Variants in SPPL3 observed in about 807,000 individuals in gnomAD.
SPPL3 encodes signal peptide peptidase like 3.
SPPL3 carries 5 observed loss-of-function variants against 42.4 expected under a neutral mutation model. That is an observed-to-expected ratio of 0.12 (90% confidence interval 0.06 to 0.25). SPPL3 has a LOEUF of 0.25. SPPL3 is among the 10% of genes least tolerant of loss of function. The pLI, the probability that SPPL3 is intolerant of heterozygous loss-of-function variation, is 1.00. For synonymous variants in SPPL3, 195 were observed against 181.8 expected, an observed-to-expected ratio of 1.07 and a Z score of -0.58; for missense variants, 235 against 489.0, an observed-to-expected ratio of 0.48 and a Z score of 4.90.
chr12:120,813,670 T>TAA (rs11420575), intron 1 of SPPL3, among the ~76,000 whole-genome samples: 3 of 148,728 alleles, frequency 2.0e-5, no homozygotes, highest in East Asian at 2.0e-4. Flanking sequence ...ATGGGTATGT[T>TAA]AAAAAAAAAA....
intron 3 of SPPL3, among the ~76,000 whole-genome samples, chr12:120,788,030 G>A (rs1869782536): frequency 6.6e-6 from 1 of 152,188 alleles, no homozygotes; most frequent in South Asian, 2.1e-4. Flanking sequence ...ATAACTAGGA[G>A]TGACACTGCT....
At chr12:120,796,706 C>T (rs1012806869) in intron 2 of SPPL3, among the ~76,000 whole-genome samples, 1 of 152,116 alleles carries the variant, frequency 6.6e-6, no homozygotes, top group African/African-American at 2.4e-5. Flanking sequence ...AGTGCTCAGT[C>T]TAGGGTAATT....
At chr12:120,843,968 T>C (rs1026601647) in intron 1 of SPPL3, among the ~76,000 whole-genome samples, 16 of 144,558 alleles carry the variant, frequency 1.1e-4, no homozygotes, top group South Asian at 6.7e-4. Flanking sequence ...AAAATAAATA[T>C]AACATAACAT....
chr12:120,814,192 T>A (rs1870788922), intron 1 of SPPL3, among the ~76,000 whole-genome samples: 2 of 152,230 alleles, frequency 1.3e-5, no homozygotes, highest in South Asian at 4.1e-4. Context: ...GTAAGACAAT[T>A]TGAATACAAT....
chr12:120,853,100 T>G (rs1030314882), intron 1 of SPPL3, among the ~76,000 whole-genome samples: 1 of 151,746 alleles, frequency 6.6e-6, no homozygotes, highest in Admixed American at 6.6e-5. Context: ...TTTGACTGTG[T>G]TGGCCAGGCT....
At chr12:120,896,530 T>C (rs1240363245) in intron 1 of SPPL3, among the ~76,000 whole-genome samples, 1 of 152,066 alleles carries the variant, frequency 6.6e-6, no homozygotes, top group Non-Finnish European at 1.5e-5. Flanking sequence ...AATCCCAACA[T>C]TTTAGGAGGC....
At chr12:120,826,064 C>T (rs1448791142) in intron 1 of SPPL3, among the ~76,000 whole-genome samples, 1 of 148,950 alleles carries the variant, frequency 6.7e-6, no homozygotes, top group Non-Finnish European at 1.5e-5. Context: ...GAGGCTGAGA[C>T]AGGAGGATTA....
chr12:120,792,949 A>C (rs1783299137), intron 2 of SPPL3, among the ~76,000 whole-genome samples: 1 of 152,128 alleles, frequency 6.6e-6, no homozygotes, highest in African/African-American at 2.4e-5. Context: ...AACTTAAAAA[A>C]CTTACGTGCC....
rs1463726067 is a variant in SPPL3, at chr12:120,782,744, C to T, written c.413G>A (p.Arg138His). 6.2e-7 allele frequency: 1 copy of T among 1,608,054 alleles called. No homozygotes were observed. Among genetic ancestry groups the T allele is most frequent in the Non-Finnish European group, 8.5e-7 (1 of 1,176,648 alleles). ...QNKISFGCCGRFTAAELLSFS... is the reference protein window; with the variant it reads ...QNKISFGCCGHFTAAELLSFS... ...TGACAGCAACTCAGCAGCAGTGAAA[C>T]GTCCACAGCAACCAAAGGAAATCCT... The change falls in exon 6 of 11, where the codon CGT becomes CAT. Residue 138 changes from arginine (R) to histidine (H), a missense_variant. Arg to His is a conservative substitution (Grantham distance 29). This residue lies in a region of SPPL3 where 110 missense variants were observed against 186.2 expected (regional missense o/e 0.59). Transcript: ENST00000353487.
chr12:120,819,736 T>C (rs1870993314), intron 1 of SPPL3, among the ~76,000 whole-genome samples: 1 of 152,188 alleles, frequency 6.6e-6, no homozygotes, highest in East Asian at 1.9e-4. Context: ...AAATTTCCAT[T>C]TTATCACTTA....
chr12:120,785,853 T>G (rs1456495755), intron 3 of SPPL3, among the ~76,000 whole-genome samples: 2 of 146,350 alleles, frequency 1.4e-5, no homozygotes, highest in Admixed American at 6.9e-5. Context: ...ATCTTGAGCC[T>G]GTAGTTCCAG....
chr12:120,881,460 T>C (rs568953002), intron 1 of SPPL3, among the ~76,000 whole-genome samples: 2 of 59,992 alleles, frequency 3.3e-5, no homozygotes, highest in Non-Finnish European at 5.9e-5. Flanking sequence ...AGAGTGAGAC[T>C]GCCTCAAAAA....
At chr12:120,784,381 A>T (rs1040616430) in intron 4 of SPPL3, 93 bp downstream of exon 4, 1 of 1,309,470 alleles carries the variant, frequency 7.6e-7, no homozygotes, top group East Asian at 2.5e-5. Flanking sequence ...AACTTACATG[A>T]CATGGTATAT....
At chr12:120,851,478 T>C (rs1018140499) in intron 1 of SPPL3, among the ~76,000 whole-genome samples, 90 of 152,032 alleles carry the variant, frequency 5.9e-4, no homozygotes, top group African/African-American at 2.2e-3. Flanking sequence ...CCAAAAGAAA[T>C]GCCTAATAGC....
intron 2 of SPPL3, among the ~76,000 whole-genome samples, chr12:120,793,268 G>A (rs1324676148): frequency 6.6e-6 from 1 of 152,234 alleles, no homozygotes; most frequent in Non-Finnish European, 1.5e-5. Context: ...CCAGCACTTT[G>A]AGAGGCTGAG....
rs1390467314 is a variant in SPPL3 at position 120,764,719 on chromosome 12, G to C, written c.*280C>G. 2 of 430,716 alleles carry C rather than the reference G, an allele frequency of 4.6e-6. No individual in the cohort carries two copies. The highest frequency in any genetic ancestry group is 2.0e-5 in the African/African-American group (1 of 49,540). 26.7% of individuals were successfully genotyped at this position (430,716 alleles called of 1,614,324 possible). The stretch of plus-strand genomic sequence containing the variant: ...ATCTCCCCCAGAAGGTAACAGTCTG[G>C]TGCAGATCCATAAAAACGTGGGAGG... On this transcript the variant is annotated 3_prime_UTR_variant, in exon 11 of 11. Transcript: ENST00000353487.
chr12:120,857,943 C>T (rs765800942), intron 1 of SPPL3, among the ~76,000 whole-genome samples: 5 of 151,986 alleles, frequency 3.3e-5, no homozygotes, highest in Non-Finnish European at 5.9e-5. Context: ...CAAACCTGCA[C>T]GTCCTGCACA....
intron 6 of SPPL3, chr12:120,769,321 A>T: frequency 3.0e-6 from 1 of 331,066 alleles, no homozygotes. Context: ...CCAGTCCAAG[A>T]CCTCCAAGCT....
At chr12:120,901,978 G>A (rs1873997993) in intron 1 of SPPL3, 15 of 975,866 alleles carry the variant, frequency 1.5e-5, no homozygotes, top group Non-Finnish European at 1.7e-5. Flanking sequence ...CAGCAAAGCA[G>A]CCATTAGGAC....
Sources: gnomAD v4.1 joint callset for allele counts (sites outside exome capture counted in the v4.1 genomes callset) on GRCh38, gnomAD v4.1.1 for gene constraint, gnomAD v4.1.1 regional missense constraint, MANE v1.5 for transcripts, NCBI Gene and HGNC (gene_info 2026-07-23, HGNC 2026-07-21) for gene names.